GON4L: variants seen among roughly 807,000 people sequenced by gnomAD.
GON4L encodes the protein GON-4-like protein.
In GON4L, 87 loss-of-function variants were observed where a neutral mutation model predicts 211.8. That is an observed-to-expected ratio of 0.41 (90% confidence interval 0.35 to 0.49). The LOEUF (loss-of-function observed/expected upper bound fraction) is 0.49, where lower values mean the gene tolerates loss of function less well. Ranked by LOEUF, GON4L falls within the 20% of genes least tolerant of loss-of-function variation. The probability of loss-of-function intolerance (pLI) is 0.15; values close to 1 mark genes in which losing one functional copy is unlikely to be tolerated. For missense variants in GON4L, 2,155 were observed against 2,659.5 expected (o/e 0.81, Z 4.17); for synonymous variants, 875 against 962.6 (o/e 0.91, Z 1.68).
chr1:155,752,673 G>A (rs1399225274), intron 29 of GON4L, 83 bp from the exon 30 acceptor site: 13 of 1,540,118 alleles, frequency 8.4e-6, no homozygotes, highest in Admixed American at 7.9e-5. Flanking sequence ...GCCAGGTACT[G>A]TGCAAAAATT....
At chr1:155,821,892 A>G (rs1257491281) in intron 4 of GON4L, among the ~76,000 whole-genome samples, 2 of 152,254 alleles carry the variant, frequency 1.3e-5, no homozygotes. Context: ...GTGTTGCTAC[A>G]TATCAAGAAA....
intron 2 of GON4L, among the ~76,000 whole-genome samples, chr1:155,848,359 C>T (rs1671449590): frequency 6.6e-6 from 1 of 152,200 alleles, no homozygotes; most frequent in African/African-American, 2.4e-5. Flanking sequence ...ACATGTCAGT[C>T]TCTGAGCAGT....
intron 11 of GON4L, 26 bp from the exon 12 acceptor site, chr1:155,795,177 C>T: frequency 2.6e-6 from 3 of 1,148,198 alleles, no homozygotes; most frequent in South Asian, 1.2e-5. Flanking sequence ...GTTTCAGATG[C>T]TCATTAACTC....
At chr1:155,828,747 G>A (rs2102316769) in intron 2 of GON4L, among the ~76,000 whole-genome samples, 1 of 149,584 alleles carries the variant, frequency 6.7e-6, no homozygotes, top group East Asian at 2.0e-4. Context: ...GGCGGAGGTT[G>A]CAGTGTGCCG....
intron 11 of GON4L, among the ~76,000 whole-genome samples, chr1:155,802,965 CA>C (rs922413419): frequency 6.6e-6 from 1 of 152,052 alleles, no homozygotes; most frequent in African/African-American, 2.4e-5. Context: ...CACACACACA[CA>C]AAAAAGTACA....
intron 16 of GON4L, among the ~76,000 whole-genome samples, chr1:155,775,462 T>C (rs1258812431): frequency 1.3e-5 from 2 of 151,988 alleles, no homozygotes; most frequent in Non-Finnish European, 2.9e-5. Context: ...CTCATTTTTT[T>C]TTTTTTTTTC....
chr1:155,775,542 CT>C (rs1225892327), intron 16 of GON4L, among the ~76,000 whole-genome samples: 4 of 151,798 alleles, frequency 2.6e-5, no homozygotes, highest in Non-Finnish European at 5.9e-5. Flanking sequence ...GAAGTCTCCA[CT>C]TCCTGGGCTC....
chr1:155,834,351 T>C (rs1032858212), intron 2 of GON4L, among the ~76,000 whole-genome samples: 5 of 152,212 alleles, frequency 3.3e-5, no homozygotes, highest in Non-Finnish European at 2.9e-5. Context: ...TTCTCTGTTA[T>C]CTTCTTCCTC....
chr1:155,855,864 C>T (rs1262416656), intron 1 of GON4L, among the ~76,000 whole-genome samples: 1 of 151,754 alleles, frequency 6.6e-6, no homozygotes, highest in Non-Finnish European at 1.5e-5. Context: ...CACCTGTAGT[C>T]CCAGCTTCTT....
At position 155,822,351 on chromosome 1, in the gene GON4L, G is replaced by C; in HGVS notation, c.823C>G (p.Arg275Gly). 1 of 1,613,954 alleles carries C rather than the reference G, an allele frequency of 6.2e-7. No individual in the cohort carries two copies. The highest frequency in any genetic ancestry group is 8.5e-7 in the Non-Finnish European group (1 of 1,179,890). ...YDLKLDDMLD[R>G]TLEDGAKQHN... ...TGCTTGGCACCATCCTCCAAGGTAC[G>C]GTCAAGCATGTCATCCAGTTTCAGG... Residue 275 changes from arginine to glycine, a missense_variant, in exon 4 of 32, where the codon CGT becomes GGT. Arg to Gly is a moderately radical substitution (Grantham distance 125). This residue lies in a region of GON4L where 551 missense variants were observed against 854.0 expected (regional missense o/e 0.65). Coordinates refer to ENST00000368331, the MANE Select transcript of GON4L (RefSeq NM_001282860.2).
At position 155,835,229 on chromosome 1, in the gene GON4L, C is replaced by T. The variant is rs201889821; in HGVS notation, c.506-8201G>A. Among the ~76,000 whole-genome samples, 51 of 152,122 alleles carry T rather than the reference C, an allele frequency of 3.4e-4. No individual in the cohort carries two copies. In the East Asian group the frequency reaches 9.4e-3, roughly 28 times the overall value. On this transcript the variant is annotated intron_variant, in intron 2 of 31. Transcript: ENST00000368331. Reference sequence around the variant, plus strand: ...CACTCAGGGTTAAATGGATTAAGGGCGGTGCAAGATGTGCTTTGTTAAACA... The same window carrying T: ...CACTCAGGGTTAAATGGATTAAGGGTGGTGCAAGATGTGCTTTGTTAAACA...
chr1:155,778,794 G>A (rs986554468), intron 14 of GON4L, among the ~76,000 whole-genome samples: 7 of 152,232 alleles, frequency 4.6e-5, no homozygotes, highest in South Asian at 2.1e-4. Flanking sequence ...TTATAAGTGA[G>A]AACATGCAGT....
Position 155,753,379 on chromosome 1 carries a change from G to C in GON4L, c.5667C>G (p.Pro1889=). Residue 1889 remains proline, a synonymous_variant, in exon 29 of 32, where the codon CCC becomes CCG. Transcript: ENST00000368331. ...CDSKSYKSKE[P]HELVGSSPHR... ...GGGGGCTGCTGCCCACCAACTCATGGGGCTCCTTGCTCTTGTAGGATTTGC... is the reference window on the plus strand; with the variant it reads ...GGGGGCTGCTGCCCACCAACTCATGCGGCTCCTTGCTCTTGTAGGATTTGC... 2 of 1,613,630 alleles carry C rather than the reference G, an allele frequency of 1.2e-6. No individual in the cohort carries two copies. The highest frequency in any genetic ancestry group is 1.7e-6 in the Non-Finnish European group (2 of 1,179,746).
intron 24 of GON4L, among the ~76,000 whole-genome samples, chr1:155,759,341 G>A (rs1010784985): frequency 2.0e-5 from 3 of 152,112 alleles, no homozygotes; most frequent in African/African-American, 7.2e-5. Flanking sequence ...GGAGGTCGAG[G>A]TGGGCAGATC....
chr1:155,774,889 A>G, intron 17 of GON4L, 113 bp downstream of exon 17: 2 of 1,221,262 alleles, frequency 1.6e-6, no homozygotes, highest in East Asian at 4.8e-5. Flanking sequence ...AAGAAATTAC[A>G]AATGTCCTGT....
chr1:155,816,773 TAAAAAA>T (rs34370558), intron 6 of GON4L, among the ~76,000 whole-genome samples: 1 of 78,084 alleles, frequency 1.3e-5, no homozygotes, highest in African/African-American at 4.8e-5. Context: ...TTTTTTTTCT[TAAAAAA>T]AAAAAAAAAA....
At chr1:155,801,289 C>A (rs543471073) in intron 11 of GON4L, among the ~76,000 whole-genome samples, 1 of 152,066 alleles carries the variant, frequency 6.6e-6, no homozygotes, top group East Asian at 1.9e-4. Flanking sequence ...GGGAAGGCTG[C>A]ATAGTTTTCA....
At chr1:155,847,237 T>C (rs1168648817) in intron 2 of GON4L, among the ~76,000 whole-genome samples, 1 of 152,090 alleles carries the variant, frequency 6.6e-6, no homozygotes, top group African/African-American at 2.4e-5. Context: ...ATAAATTGTT[T>C]ACCTTGAAAG....
At chr1:155,836,249 GTTT>G (rs140291845) in intron 2 of GON4L, among the ~76,000 whole-genome samples, 103 of 98,866 alleles carry the variant, frequency 1.0e-3, no homozygotes, top group African/African-American at 1.4e-3. Context: ...TTTTGTTTTC[GTTT>G]TTTTTTTTTT....
Sources: allele counts gnomAD v4.1 joint callset (sites outside exome capture counted in the v4.1 genomes callset), GRCh38; gene constraint gnomAD v4.1.1; regional missense constraint gnomAD v4.1.1; transcripts MANE v1.5; gene names NCBI Gene and HGNC (gene_info 2026-07-23, HGNC 2026-07-21).